The following PIGZ variants were observed in gnomAD, a reference collection of about 807,000 sequenced individuals.
PIGZ encodes phosphatidylinositol glycan anchor biosynthesis class Z (Gwada blood group), also known as GPI alpha-1,2-mannosyltransferase 4.
Under a neutral mutation model 16.4 loss-of-function variants are expected in PIGZ, and 16 were observed. The observed-to-expected ratio is 0.97, with a 90% CI of 0.66 to 1.48. PIGZ has a LOEUF of 1.48. Among genes scored for constraint, PIGZ ranks in the 40% most tolerant of loss-of-function variants. PIGZ has a pLI of 0.00. For synonymous variants in PIGZ, 409 were observed against 338.4 expected, an observed-to-expected ratio of 1.21 and a Z score of -2.29; for missense variants, 770 against 739.2, an observed-to-expected ratio of 1.04 and a Z score of -0.48.
chr3:196,947,870 C>T lies in PIGZ; in HGVS notation c.1027G>A (p.Val343Ile). 1 of 1,613,942 alleles carries T rather than the reference C, an allele frequency of 6.2e-7. No homozygotes were observed. The highest frequency in any genetic ancestry group is 8.5e-7 in the Non-Finnish European group (1 of 1,179,862). The change falls in exon 3 of 3, where the codon GTC (valine) becomes ATC (isoleucine). Residue 343 changes from valine (V) to isoleucine (I), a missense_variant. Physicochemically the swap from Val to Ile is conservative, Grantham distance 29. Transcript: ENST00000412723. Reference protein sequence around the residue: ...ALQAAWQRLQVGLQASAQMGL... With the variant: ...ALQAAWQRLQIGLQASAQMGL... Reference sequence around the variant, plus strand: ...ATTTGTGCAGAGGCCTGGAGGCCGACTTGCAGCCGTTGCCACGCAGCCTGC... The same window carrying T: ...ATTTGTGCAGAGGCCTGGAGGCCGATTTGCAGCCGTTGCCACGCAGCCTGC...
At chr3:196,957,140 C>A (rs1260567709) in intron 1 of PIGZ, among the ~76,000 whole-genome samples, 1 of 151,364 alleles carries the variant, frequency 6.6e-6, no homozygotes, top group African/African-American at 2.4e-5. Flanking sequence ...AAGCCTAGGA[C>A]CATTTCTAAT....
chr3:196,966,062 G>A (rs929791992), intron 1 of PIGZ, among the ~76,000 whole-genome samples: 15 of 152,292 alleles, frequency 9.8e-5, no homozygotes, highest in South Asian at 8.3e-4. Flanking sequence ...TCCTGTGTTC[G>A]TGAGTAGAAT....
intron 1 of PIGZ, among the ~76,000 whole-genome samples, 185 bp downstream of exon 1, chr3:196,968,502 C>T (rs996708382): frequency 2.6e-5 from 4 of 152,238 alleles, no homozygotes; most frequent in African/African-American, 4.8e-5. Flanking sequence ...AGCCAGCGGA[C>T]CCCGGCCTAG....
chr3:196,952,263 A>G (rs1223705929), intron 1 of PIGZ, among the ~76,000 whole-genome samples: 1 of 152,178 alleles, frequency 6.6e-6, no homozygotes, highest in Non-Finnish European at 1.5e-5. Flanking sequence ...GGGGAAACGG[A>G]GGCCTCTGCT....
rs764934776 is a variant in PIGZ at position 196,947,808 on chromosome 3, C to T, written c.1089G>A (p.Leu363=). 1 of 1,608,152 alleles carries T rather than the reference C, an allele frequency of 6.2e-7. No homozygotes were observed. Among genetic ancestry groups the T allele is most frequent in the Admixed American group, 1.7e-5 (1 of 59,442 alleles). The change falls in exon 3 of 3, where the codon CTG becomes CTA. Residue 363 remains leucine (L), a synonymous_variant. Coordinates refer to ENST00000412723, the MANE Select transcript of PIGZ (RefSeq NM_025163.4). ...GAAGGAGATAGGACCTGGGGCTGGA[C>T]AGCAGGCTCCGGGCACCCAGTGCCC... The part of the protein sequence containing the change: ...LLRALGARSL[L]SSPRSYLLLL...
Position 196,965,820 on chromosome 3 carries a change from GAGATGGTA to G in PIGZ, c.-1+2859_-1+2866del, listed in dbSNP as rs1161182952. Among the ~76,000 whole-genome samples, 1 of 152,152 alleles carries G rather than the reference GAGATGGTA, an allele frequency of 6.6e-6. No homozygotes were observed. The highest frequency in any genetic ancestry group is 2.4e-5 in the African/African-American group (1 of 41,414). On this transcript the variant is annotated intron_variant, in intron 1 of 2. Transcript: ENST00000412723. The surrounding 1 kb of genome is among the most constrained non-coding windows in gnomAD (Gnocchi z 4.2). ...CATTTTCTGTGGATGAATAATGAGG[GAGATGGTA>G]AGAAGCATGACCTGGAGTAGACTGC...
At chr3:196,949,227 C>T (rs934115680) in intron 2 of PIGZ, among the ~76,000 whole-genome samples, 12 of 151,926 alleles carry the variant, frequency 7.9e-5, no homozygotes, top group Non-Finnish European at 1.3e-4. Context: ...CTGCACCTGG[C>T]CCGCAGGATG....
At chr3:196,961,809 C>T (rs775994340) in intron 1 of PIGZ, among the ~76,000 whole-genome samples, 37 of 151,882 alleles carry the variant, frequency 2.4e-4, no homozygotes, top group Non-Finnish European at 3.5e-4. Context: ...ATTAATATAC[C>T]GTATAATTTT....
At chr3:196,949,044 T>TTCCCCTCCCC (rs1717150273) in intron 2 of PIGZ, among the ~76,000 whole-genome samples, 1 of 43,142 alleles carries the variant, frequency 2.3e-5, no homozygotes, top group African/African-American at 1.5e-4. Flanking sequence ...CCTTCCTTCC[T>TTCCCCTCCCC]TCCCTTCCCT....
chr3:196,951,276 C>T (rs548004189), intron 2 of PIGZ, among the ~76,000 whole-genome samples: 2 of 152,182 alleles, frequency 1.3e-5, no homozygotes, highest in Non-Finnish European at 2.9e-5. Flanking sequence ...CCGTCTTGAA[C>T]TATGAGGATG....
intron 1 of PIGZ, among the ~76,000 whole-genome samples, chr3:196,952,629 G>A (rs565824569): frequency 5.9e-5 from 9 of 152,256 alleles, no homozygotes; most frequent in African/African-American, 2.2e-4. Flanking sequence ...GTAGAGACGG[G>A]GTTTCATCAT....
intron 1 of PIGZ, among the ~76,000 whole-genome samples, chr3:196,963,294 G>A (rs1717794083): frequency 6.6e-6 from 1 of 152,208 alleles, no homozygotes; most frequent in Non-Finnish European, 1.5e-5. Context: ...GTGGACATAT[G>A]TCTTCATTTC....
chr3:196,949,738 G>A (rs1717186473), intron 2 of PIGZ, among the ~76,000 whole-genome samples: 1 of 152,160 alleles, frequency 6.6e-6, no homozygotes, highest in Admixed American at 6.5e-5. Context: ...TTCCCCGGGA[G>A]ATGAGGTGGC....
Position 196,947,146 on chromosome 3 carries a change from C to T in PIGZ, c.*11G>A. On this transcript the variant is annotated 3_prime_UTR_variant, in exon 3 of 3. Transcript: ENST00000412723. ...GGCTGAGTCTTGGGCAGTGGGTGCT[C>T]TGTCATATTGTCAGGTTTCTTCCCC... The T allele has an allele frequency of 6.5e-7, 1 of 1,533,166 alleles. No individual in the cohort carries two copies. 95.0% of individuals were successfully genotyped at this position (1,533,166 alleles called of 1,614,324 possible). A position where few individuals can be genotyped will look rare whatever the true frequency, so the allele number is the denominator to read the frequency against.
chr3:196,955,253 A>AT (rs1372516324), intron 1 of PIGZ, among the ~76,000 whole-genome samples: 1 of 152,100 alleles, frequency 6.6e-6, no homozygotes, highest in Non-Finnish European at 1.5e-5. Flanking sequence ...TAATTTATTG[A>AT]TTTTTTACTG....
Position 196,946,971 on chromosome 3 carries a change from C to T in PIGZ, c.*186G>A, listed in dbSNP as rs1553834652. 3.7e-6 allele frequency: 2 copies of T among 542,588 alleles called. No individual in the cohort carries two copies. Among genetic ancestry groups the T allele is most frequent in the Non-Finnish European group, 6.4e-6 (2 of 314,414 alleles). The allele number at this position is 542,588 out of a possible 1,614,324, so 33.6% of individuals were successfully genotyped here. ...GACCGACAGGTCAAATCTTTGGTCTCAGGGAGAAGAGTGCCAGCTCACCCA... is the reference window on the plus strand; with the variant it reads ...GACCGACAGGTCAAATCTTTGGTCTTAGGGAGAAGAGTGCCAGCTCACCCA... On this transcript the variant is annotated 3_prime_UTR_variant, in exon 3 of 3. Transcript: ENST00000412723.
At chr3:196,955,205 C>A (rs1328522021) in intron 1 of PIGZ, among the ~76,000 whole-genome samples, 1 of 152,210 alleles carries the variant, frequency 6.6e-6, no homozygotes, top group East Asian at 1.9e-4. Context: ...GGATTACATG[C>A]ATGAGCCACC....
Position 196,951,986 on chromosome 3 carries a change from A to G in PIGZ, c.46T>C (p.Ser16Pro), listed in dbSNP as rs778531869. 1.2e-6 allele frequency: 2 copies of G among 1,614,194 alleles called. No individual in the cohort carries two copies. The highest frequency in any genetic ancestry group is 1.1e-5 in the South Asian group (1 of 91,074). Reference protein sequence around the residue: ...SSVASVAAGTSFQVLGPVCWQ... With the variant: ...SSVASVAAGTPFQVLGPVCWQ... Reference sequence around the variant, plus strand: ...CACACCGGGCCCAAAACCTGGAATGATGTCCCAGCTGCTACAGATGCTACG... The same window carrying G: ...CACACCGGGCCCAAAACCTGGAATGGTGTCCCAGCTGCTACAGATGCTACG... Residue 16 changes from serine (S) to proline (P), a missense_variant, in exon 2 of 3, where the codon TCA becomes CCA. Ser to Pro is a moderately conservative substitution (Grantham distance 74). Transcript: ENST00000412723.
intron 1 of PIGZ, 106 bp from the exon 2 acceptor site, chr3:196,952,137 A>G: frequency 9.4e-7 from 1 of 1,062,634 alleles, no homozygotes; most frequent in African/African-American, 1.6e-5. Flanking sequence ...TGACAATAAT[A>G]ATAATAGCTA....
Sources: gnomAD v4.1 joint callset for allele counts (sites outside exome capture counted in the v4.1 genomes callset) on GRCh38, gnomAD v4.1.1 for gene constraint, Gnocchi (gnomAD v3.1) non-coding constraint, MANE v1.5 for transcripts, NCBI Gene and HGNC (gene_info 2026-07-23, HGNC 2026-07-21) for gene names.